STXBP4: variants seen among roughly 807,000 people sequenced by gnomAD.
STXBP4 encodes syntaxin binding protein 4.
A neutral mutation model predicts 76.1 loss-of-function variants in STXBP4; 55 were observed. That is an observed-to-expected ratio of 0.72 (90% CI 0.58 to 0.91). STXBP4 has a LOEUF of 0.91. Among genes scored for constraint, STXBP4 ranks in the 40% least tolerant of loss-of-function variants. The probability of loss-of-function intolerance (pLI) is 0.00; values close to 1 mark genes in which losing one functional copy is unlikely to be tolerated. For missense variants in STXBP4, 618 were observed against 636.9 expected, an observed-to-expected ratio of 0.97 and a Z score of 0.32; for synonymous variants, 201 against 220.2, an observed-to-expected ratio of 0.91 and a Z score of 0.77.
In STXBP4 at chr17:55,158,704, C is replaced by T. The variant is rs542969465; in HGVS notation, c.1548-1093C>T. Reference sequence around the variant, plus strand: ...CTGCTTGTGTTATTTCCCTGAAACACTTTTCAGGATGCTGGTCATTTGTTC... The same window carrying T: ...CTGCTTGTGTTATTTCCCTGAAACATTTTTCAGGATGCTGGTCATTTGTTC... On this transcript the variant is annotated intron_variant, in intron 17 of 17. Coordinates refer to ENST00000376352, the MANE Select transcript of STXBP4 (RefSeq NM_178509.6). Among the ~76,000 whole-genome samples, 5 of 152,282 alleles carry T rather than the reference C, an allele frequency of 3.3e-5. No homozygotes were observed. In the South Asian group the frequency reaches 1.0e-3, roughly 32 times the overall value.
downstream of STXBP4, among the ~76,000 whole-genome samples, chr17:55,175,620 T>C (rs1027593069): frequency 6.6e-6 from 1 of 152,078 alleles, no homozygotes; most frequent in Admixed American, 6.5e-5. Context: ...ACCCAAAAAC[T>C]AGCAGGAGGC....
At chr17:55,206,067 T>C in the STXBP4 span, among the ~76,000 whole-genome samples, 1 of 152,152 alleles carries the variant, frequency 6.6e-6, no homozygotes, top group East Asian at 1.9e-4. Context: ...ATAAACTCTA[T>C]ATTGATTAGT....
At chr17:55,198,722 T>C in the STXBP4 span, among the ~76,000 whole-genome samples, 4 of 152,346 alleles carry the variant, frequency 2.6e-5, no homozygotes, top group African/African-American at 9.6e-5. Context: ...TCAGCACCCT[T>C]TTCTCAACGT....
rs376608302 is a variant in STXBP4 at position 55,128,358 on chromosome 17, G to A, written c.1490-12952G>A. ...CTGAGAGTGTTCAGGAAGTTACCAC[G>A]CTGGGTGAATGTGAGGGAGATTTTA... On this transcript the variant is annotated intron_variant, in intron 16 of 17. Transcript: ENST00000376352. 1.5e-3 allele frequency among the ~76,000 whole-genome samples: 225 copies of A among 151,484 alleles called. 7 individuals are homozygous for A. The South Asian group carries it at 0.045, about 30-fold the overall frequency.
At chr17:55,152,844 T>C (rs1057424350) in intron 17 of STXBP4, among the ~76,000 whole-genome samples, 2 of 152,258 alleles carry the variant, frequency 1.3e-5, no homozygotes, top group Admixed American at 6.5e-5. Flanking sequence ...ATATATATAA[T>C]AGCTTTAGAC....
chr17:55,200,684 A>G, the STXBP4 span, among the ~76,000 whole-genome samples: 4 of 152,176 alleles, frequency 2.6e-5, no homozygotes, highest in African/African-American at 9.7e-5. Flanking sequence ...CCTGTCTTGC[A>G]GTCACGCTAC....
chr17:55,010,758 G>T (rs1007429524), intron 8 of STXBP4, among the ~76,000 whole-genome samples: 1 of 152,128 alleles, frequency 6.6e-6, no homozygotes, highest in African/African-American at 2.4e-5. Flanking sequence ...CATACCCAAT[G>T]TCTCATTATA....
At chr17:55,193,447 C>A in the STXBP4 span, among the ~76,000 whole-genome samples, 1 of 152,040 alleles carries the variant, frequency 6.6e-6, no homozygotes, top group Non-Finnish European at 1.5e-5. Context: ...GACATCAATT[C>A]TCATCATGGT....
At chr17:55,067,287 TACAG>T (rs2079064320) in intron 12 of STXBP4, among the ~76,000 whole-genome samples, 1 of 152,112 alleles carries the variant, frequency 6.6e-6, no homozygotes, top group Non-Finnish European at 1.5e-5. Context: ...TGTGATTAAT[TACAG>T]ACGACAAATC....
chr17:55,175,489 C>A (rs16955718), downstream of STXBP4, among the ~76,000 whole-genome samples: 3,439 of 152,226 alleles, frequency 0.023, 133 homozygotes, highest in African/African-American at 0.078. Flanking sequence ...CTGCACCAAG[C>A]AGAGGAGTTT....
intron 8 of STXBP4, 109 bp from the exon 9 acceptor site, chr17:55,031,059 C>A: frequency 1.3e-6 from 1 of 762,644 alleles, no homozygotes; most frequent in Non-Finnish European, 2.1e-6. Flanking sequence ...TAATCCTGGT[C>A]GACTGTTTCT....
intron 7 of STXBP4, among the ~76,000 whole-genome samples, chr17:55,003,896 G>T (rs2077960150): frequency 6.6e-6 from 1 of 152,062 alleles, no homozygotes; most frequent in Admixed American, 6.5e-5. Context: ...TTGCAGCCAG[G>T]TGCGGTGGCT....
At chr17:55,012,864 C>CTTGAGAA (rs986915844) in intron 8 of STXBP4, among the ~76,000 whole-genome samples, 42 of 152,280 alleles carry the variant, frequency 2.8e-4, no homozygotes, top group African/African-American at 9.6e-4. Context: ...CCTCGAGTGG[C>CTTGAGAA]ATAGGTTTGA....
At chr17:55,032,672 A>G (rs1327391563) in intron 9 of STXBP4, among the ~76,000 whole-genome samples, 1 of 152,184 alleles carries the variant, frequency 6.6e-6, no homozygotes, top group African/African-American at 2.4e-5. Context: ...TATTCCTTTG[A>G]GAAATTAAAC....
chr17:55,094,233 G>A (rs1305637712), intron 16 of STXBP4, among the ~76,000 whole-genome samples: 1 of 150,532 alleles, frequency 6.6e-6, no homozygotes, highest in East Asian at 2.0e-4. Flanking sequence ...CATGCGATAA[G>A]GGTGGATATG....
At chr17:55,179,461 C>T in the STXBP4 span, among the ~76,000 whole-genome samples, 1 of 152,252 alleles carries the variant, frequency 6.6e-6, no homozygotes, top group African/African-American at 2.4e-5. Context: ...TCTCATTAGA[C>T]TCTCCTATAT....
chr17:55,206,067 TATTG>T, the STXBP4 span, among the ~76,000 whole-genome samples: 3 of 152,152 alleles, frequency 2.0e-5, no homozygotes, highest in Admixed American at 1.3e-4. Flanking sequence ...ATAAACTCTA[TATTG>T]ATTAGTGAGA....
rs184587529 is a variant in STXBP4 at position 55,032,234 on chromosome 17, A to G, written c.763+970A>G. ...TGTAACATTGTATTATTTATAAAGC[A>G]TCTGTATTGCTGAAAAAAAATTGAC... On this transcript the variant is annotated intron_variant, in intron 9 of 17. Coordinates refer to ENST00000376352, the MANE Select transcript of STXBP4 (RefSeq NM_178509.6). Among the ~76,000 whole-genome samples the G allele has an allele frequency of 1.8e-3, 270 of 152,054 alleles. 1 individual carries two copies. Among genetic ancestry groups the G allele is most frequent in the South Asian group, 9.0e-3 (43 of 4,800 alleles).
intron 16 of STXBP4, among the ~76,000 whole-genome samples, chr17:55,114,675 G>A (rs916933302): frequency 6.6e-6 from 1 of 151,832 alleles, no homozygotes; most frequent in Non-Finnish European, 1.5e-5. Flanking sequence ...TAAAGGGGTG[G>A]GAAGGAAGAT....
Sources: allele counts gnomAD v4.1 joint callset (sites outside exome capture counted in the v4.1 genomes callset), GRCh38; gene constraint gnomAD v4.1.1; transcripts MANE v1.5; gene names NCBI Gene and HGNC (gene_info 2026-07-23, HGNC 2026-07-21).